The following RBFOX1 variants were observed in gnomAD, a reference collection of about 807,000 sequenced individuals.
RBFOX1 encodes RNA binding fox-1 homolog 1.
In RBFOX1, 8 loss-of-function variants were observed where a neutral mutation model predicts 57.7. The observed-to-expected ratio is 0.14, with a 90% confidence interval of 0.08 to 0.25. RBFOX1 has a LOEUF of 0.25. RBFOX1 is among the 10% of genes least tolerant of loss of function. The pLI, the probability that RBFOX1 is intolerant of heterozygous loss-of-function variation, is 1.00. For synonymous variants in RBFOX1, 326 were observed against 222.4 expected, an observed-to-expected ratio of 1.47 and a Z score of -4.15; for missense variants, 611 against 548.5, an observed-to-expected ratio of 1.11 and a Z score of -1.14.
At chr16:5,806,815 C>A (rs2055244751) in intron 3 of RBFOX1, among the ~76,000 whole-genome samples, 1 of 152,226 alleles carries the variant, frequency 6.6e-6, no homozygotes, top group African/African-American at 2.4e-5. Flanking sequence ...CCCAGCTCAG[C>A]CCTCTGAAAG....
chr16:5,922,758 G>A (rs2058852259), intron 4 of RBFOX1, among the ~76,000 whole-genome samples: 1 of 152,202 alleles, frequency 6.6e-6, no homozygotes, highest in Non-Finnish European at 1.5e-5. Flanking sequence ...AAATAAATGA[G>A]TTTAATTACT....
chr16:5,527,928 C>A (rs2044307366), intron 2 of RBFOX1, among the ~76,000 whole-genome samples: 2 of 152,144 alleles, frequency 1.3e-5, no homozygotes, highest in African/African-American at 4.8e-5. Flanking sequence ...CTCACAGTGA[C>A]TTCTACCTTT....
intron 3 of RBFOX1, among the ~76,000 whole-genome samples, chr16:6,966,107 G>C (rs1483404243): frequency 6.6e-6 from 1 of 152,108 alleles, no homozygotes; most frequent in Non-Finnish European, 1.5e-5. Flanking sequence ...CTCAACCATA[G>C]ACTGGGGGCC....
intron 1 of RBFOX1, among the ~76,000 whole-genome samples, chr16:6,159,049 C>G (rs1291044601): frequency 6.6e-6 from 1 of 151,920 alleles, no homozygotes; most frequent in Non-Finnish European, 1.5e-5. Flanking sequence ...ATTATAGGCA[C>G]CGACCACCAT....
intron 1 of RBFOX1, among the ~76,000 whole-genome samples, chr16:6,047,943 T>C (rs944612283): frequency 2.6e-5 from 4 of 152,200 alleles, no homozygotes; most frequent in African/African-American, 4.8e-5. Context: ...GGCAGTGACA[T>C]GTCTGCATGT....
At chr16:6,983,016 AAGG>A (rs1225761935) in intron 3 of RBFOX1, among the ~76,000 whole-genome samples, 116 of 146,364 alleles carry the variant, frequency 7.9e-4, no homozygotes, top group African/African-American at 2.7e-3. Flanking sequence ...AAAAAAAAAA[AAGG>A]AAAGGTGTCG....
At chr16:5,334,097 G>C (rs915314541) in intron 1 of RBFOX1, among the ~76,000 whole-genome samples, 1 of 152,190 alleles carries the variant, frequency 6.6e-6, no homozygotes, top group African/African-American at 2.4e-5. Flanking sequence ...GAGTATTTAA[G>C]GGTTTAGGGC....
intron 4 of RBFOX1, among the ~76,000 whole-genome samples, chr16:7,219,805 TATG>T (rs1332137071): frequency 1.3e-5 from 2 of 152,218 alleles, no homozygotes; most frequent in Non-Finnish European, 2.9e-5. Flanking sequence ...ATGTTTGTGA[TATG>T]AAAGCATGAC....
intron 2 of RBFOX1, among the ~76,000 whole-genome samples, chr16:6,544,063 C>A (rs2096861013): frequency 6.6e-6 from 1 of 152,196 alleles, no homozygotes; most frequent in South Asian, 2.1e-4. Flanking sequence ...AGGTGTCTGT[C>A]TTGTGTGCCA....
chr16:7,547,443 CAAGAG>C (rs1294272348), intron 5 of RBFOX1, among the ~76,000 whole-genome samples: 3 of 152,114 alleles, frequency 2.0e-5, no homozygotes, highest in African/African-American at 7.2e-5. Flanking sequence ...GAAGAAAAGA[CAAGAG>C]AAGGGGAAAG....
chr16:6,285,055 C>T (rs2076763568), intron 1 of RBFOX1, among the ~76,000 whole-genome samples: 2 of 152,026 alleles, frequency 1.3e-5, no homozygotes, highest in Admixed American at 1.3e-4. Context: ...AAGGAAATCG[C>T]AGGAATGTTG....
chr16:6,196,377 T>A (rs1342507323), intron 1 of RBFOX1, among the ~76,000 whole-genome samples: 3 of 152,204 alleles, frequency 2.0e-5, no homozygotes, highest in African/African-American at 7.2e-5. Context: ...TCTATGAAAT[T>A]GACAGGATAA....
chr16:5,884,346 A>C (rs908619848), intron 4 of RBFOX1, among the ~76,000 whole-genome samples: 1 of 152,090 alleles, frequency 6.6e-6, no homozygotes, highest in African/African-American at 2.4e-5. Flanking sequence ...TGTGCTTTTG[A>C]GTCTGGCTTC....
intron 1 of RBFOX1, among the ~76,000 whole-genome samples, chr16:5,375,564 G>C (rs2065964447): frequency 6.6e-6 from 1 of 152,194 alleles, no homozygotes; most frequent in Admixed American, 6.5e-5. Context: ...CTGCAAAATG[G>C]GGTAAGAAGA....
intron 14 of RBFOX1, among the ~76,000 whole-genome samples, chr16:7,682,746 G>T (rs954258453): frequency 6.6e-6 from 1 of 151,224 alleles, no homozygotes; most frequent in Non-Finnish European, 1.5e-5. Flanking sequence ...TCCAGGTTGA[G>T]CACGTGTACA....
chr16:7,508,416 G>T (rs1228567200), intron 4 of RBFOX1, among the ~76,000 whole-genome samples: 1 of 152,142 alleles, frequency 6.6e-6, no homozygotes, highest in Admixed American at 6.6e-5. Context: ...CTCAGTTGAG[G>T]ACAAGAGCTT....
At chr16:6,466,745 G>A (rs749830265) in intron 2 of RBFOX1, among the ~76,000 whole-genome samples, 9 of 152,046 alleles carry the variant, frequency 5.9e-5, no homozygotes, top group Non-Finnish European at 1.0e-4. Flanking sequence ...CTCTTAGTTC[G>A]AATAATAGCA....
At chr16:7,501,548 C>G (rs1423475829) in intron 4 of RBFOX1, among the ~76,000 whole-genome samples, 3 of 152,174 alleles carry the variant, frequency 2.0e-5, no homozygotes. Flanking sequence ...GGTCTTCAGC[C>G]CAGCTCTATA....
chr16:5,943,543 A>G (rs1434413238), intron 4 of RBFOX1, among the ~76,000 whole-genome samples: 2 of 152,230 alleles, frequency 1.3e-5, no homozygotes, highest in African/African-American at 4.8e-5. Context: ...GAAGAGGTCA[A>G]GACACAGCAC....
Sources: allele counts gnomAD v4.1 joint callset (sites outside exome capture counted in the v4.1 genomes callset), GRCh38; gene constraint gnomAD v4.1.1; transcripts MANE v1.5; gene names NCBI Gene and HGNC (gene_info 2026-07-23, HGNC 2026-07-21).